The following CEP162 variants were observed in gnomAD, a reference collection of about 807,000 sequenced individuals.
CEP162 encodes centrosomal protein of 162 kDa.
In CEP162, 141 loss-of-function variants were observed where a neutral mutation model predicts 169.2. The observed-to-expected ratio is 0.83, with a 90% CI of 0.73 to 0.96. CEP162 has a LOEUF of 0.96. CEP162 is among the 40% of genes least tolerant of loss of function. CEP162 has a pLI of 0.00. For missense variants in CEP162, 1,600 were observed against 1,587.2 expected, an observed-to-expected ratio of 1.01 and a Z score of -0.14; for synonymous variants, 540 against 526.4, an observed-to-expected ratio of 1.03 and a Z score of -0.35.
chr6:84,128,827 T>C (rs2099510007), intron 25 of CEP162, among the ~76,000 whole-genome samples: 1 of 152,124 alleles, frequency 6.6e-6, no homozygotes, highest in Non-Finnish European at 1.5e-5. Context: ...TTTCTCCTAA[T>C]GCTATCCCTC....
intron 21 of CEP162, among the ~76,000 whole-genome samples, chr6:84,159,708 G>A (rs1330930711): frequency 6.7e-6 from 1 of 150,288 alleles, no homozygotes; most frequent in African/African-American, 2.5e-5. Context: ...AGGATTACAG[G>A]TGTGCACCAC....
intron 25 of CEP162, among the ~76,000 whole-genome samples, chr6:84,142,239 A>G (rs1179850961): frequency 6.6e-6 from 1 of 152,216 alleles, no homozygotes; most frequent in Non-Finnish European, 1.5e-5. Flanking sequence ...TTGGCCAGCT[A>G]AACAGGTAAC....
chr6:84,216,248 T>A (rs943559433), intron 3 of CEP162, among the ~76,000 whole-genome samples: 1 of 152,194 alleles, frequency 6.6e-6, no homozygotes, highest in East Asian at 1.9e-4. Flanking sequence ...TTCCCTCTGT[T>A]CTTTACATTT....
rs1267863026 is a variant in CEP162 at position 84,215,927 on chromosome 6, G to C, written c.173-5C>G. On this transcript the variant is annotated splice_region_variant and splice_polypyrimidine_tract_variant and intron_variant, in intron 3 of 26. Coordinates refer to ENST00000403245, the MANE Select transcript of CEP162 (RefSeq NM_014895.4). The stretch of plus-strand genomic sequence containing the variant: ...TCACATTTGTTCCAAGAAGTCCTAG[G>C]TACACAATTTAATACAGATGAAGAT... 2.6e-6 allele frequency: 4 copies of C among 1,551,020 alleles called. No individual in the cohort carries two copies. Among genetic ancestry groups the C allele is most frequent in the Middle Eastern group, 1.7e-4 (1 of 5,904 alleles).
At chr6:84,213,602 T>C (rs1202180357) in intron 5 of CEP162, among the ~76,000 whole-genome samples, 1 of 152,198 alleles carries the variant, frequency 6.6e-6, no homozygotes. Context: ...CTATCAACCC[T>C]ATTTAGTGAG....
At chr6:84,197,228 C>G (rs2099542523) in intron 9 of CEP162, among the ~76,000 whole-genome samples, 1 of 150,324 alleles carries the variant, frequency 6.7e-6, no homozygotes, top group African/African-American at 2.4e-5. Context: ...AACAAATGAC[C>G]TAAAAGTTAG....
chr6:84,221,109 C>T lies in CEP162; in HGVS notation c.120G>A (p.Lys40=). The T allele has an allele frequency of 6.2e-7, 1 of 1,604,160 alleles. No individual in the cohort carries two copies. The highest frequency in any genetic ancestry group is 1.7e-4 in the Middle Eastern group (1 of 6,046). Residue 40 remains lysine, a synonymous_variant, in exon 3 of 27, where the codon AAG becomes AAA. Transcript: ENST00000403245. ...KTARQSKKEM[K]KKDTVPWWIT... is the part of the protein sequence containing the mutation. Reference sequence around the variant, plus strand: ...TCCACCAAGGCACTGTATCTTTCTTCTTCATCTCTTTTTTAGATTGTCTAG... The same window carrying T: ...TCCACCAAGGCACTGTATCTTTCTTTTTCATCTCTTTTTTAGATTGTCTAG...
rs1242773835 is a variant in CEP162 at position 84,185,207 on chromosome 6, G to A, written c.1643C>T (p.Ser548Phe). The A allele has an allele frequency of 6.2e-7, 1 of 1,611,608 alleles. No individual in the cohort carries two copies. Among genetic ancestry groups the A allele is most frequent in the Non-Finnish European group, 8.5e-7 (1 of 1,178,074 alleles). The change falls in exon 13 of 27, where the codon TCC becomes TTC. Residue 548 changes from serine to phenylalanine, a missense_variant. Transcript: ENST00000403245. ...KSKNLRSIST[S>F]NQPRKKEILS... ...ATTACCTTTTTTCCTAGGTTGATTG[G>A]AGGTAGAAATCGATCTCAAGTTTTT...
In CEP162 at chr6:84,180,819, C is replaced by T. The variant is rs1303129972; in HGVS notation, c.1663+4368G>A. Among the ~76,000 whole-genome samples the T allele has an allele frequency of 5.9e-5, 9 of 152,246 alleles. No individual in the cohort carries two copies. The East Asian group carries it at 1.7e-3, about 29-fold the overall frequency. ...TGAAGGACCTCTTCAAGGAGAACTACAAAACACTGCTCAACGAAATAAAAG... is the reference window on the plus strand; with the variant it reads ...TGAAGGACCTCTTCAAGGAGAACTATAAAACACTGCTCAACGAAATAAAAG... On this transcript the variant is annotated intron_variant, in intron 13 of 26. Coordinates refer to ENST00000403245, the MANE Select transcript of CEP162 (RefSeq NM_014895.4).
intron 13 of CEP162, 24 bp downstream of exon 13, chr6:84,185,163 A>G (rs1161375146): frequency 7.0e-6 from 11 of 1,560,986 alleles, no homozygotes; most frequent in Non-Finnish European, 8.8e-6. Context: ...AAAACAATAT[A>G]CTAAATAAAG....
intron 21 of CEP162, among the ~76,000 whole-genome samples, chr6:84,158,631 A>G (rs896286071): frequency 6.6e-6 from 1 of 152,182 alleles, no homozygotes; most frequent in African/African-American, 2.4e-5. Context: ...CACCCGAAAA[A>G]TTCAAAGCTT....
At chr6:84,131,595 A>G (rs906781459) in intron 25 of CEP162, among the ~76,000 whole-genome samples, 2 of 151,608 alleles carry the variant, frequency 1.3e-5, no homozygotes, top group Non-Finnish European at 2.9e-5. Context: ...CTTTACCATT[A>G]TGGCCTTGTC....
rs762251210 is a variant in CEP162, at chr6:84,186,608, G to A, written c.1125C>T (p.Ala375=). 1.7e-5 allele frequency: 27 copies of A among 1,602,126 alleles called. No individual in the cohort carries two copies. In the African/African-American group the frequency reaches 1.7e-4, roughly 10 times the overall value. Residue 375 remains alanine (A), a synonymous_variant, in exon 12 of 27, where the codon GCC becomes GCT. Coordinates refer to ENST00000403245, the MANE Select transcript of CEP162 (RefSeq NM_014895.4). The part of the protein sequence containing the change: ...DLQPVSSEKV[A]ERKETEFFSS... ...TAAAAAATTCAGTTTCTTTTCTTTC[G>A]GCCACTTTCTCAGAGCTATAAAACA...
chr6:84,215,880 G>A lies in CEP162; in HGVS notation c.215C>T (p.Thr72Ile), dbSNP rs751365987. ...TNVSYLKTKK[T>I]SQPVMEIEEE... ...TTCTATTTCCATAACAGGCTGAGAAGTCTTCTTTGTTTTCAAATAGCTCAC... is the reference window on the plus strand; with the variant it reads ...TTCTATTTCCATAACAGGCTGAGAAATCTTCTTTGTTTTCAAATAGCTCAC... Residue 72 changes from threonine to isoleucine, a missense_variant, in exon 4 of 27, where the codon ACT (threonine) becomes ATT (isoleucine). Physicochemically the swap from Thr to Ile is moderately conservative, Grantham distance 89 (BLOSUM62 -1). Coordinates refer to ENST00000403245, the MANE Select transcript of CEP162 (RefSeq NM_014895.4). The A allele has an allele frequency of 1.6e-5, 25 of 1,577,776 alleles. 1 individual carries two copies. In the South Asian group the frequency reaches 2.8e-4, roughly 18 times the overall value.
At chr6:84,184,211 TTC>T (rs1365479615) in intron 13 of CEP162, among the ~76,000 whole-genome samples, 3 of 152,146 alleles carry the variant, frequency 2.0e-5, no homozygotes, top group African/African-American at 7.2e-5. Flanking sequence ...TCAATTATTT[TTC>T]TTTCTATCAA....
intron 25 of CEP162, among the ~76,000 whole-genome samples, chr6:84,143,865 G>A (rs557190799): frequency 6.6e-6 from 1 of 152,056 alleles, no homozygotes; most frequent in African/African-American, 2.4e-5. Context: ...AGAAAGCAAA[G>A]ATTTTGTGTT....
chr6:84,167,722 C>T lies in CEP162; in HGVS notation c.2385+1606G>A, dbSNP rs117004041. ...AGGTAGTGTCAATTCAAATACTAAA[C>T]ACAAATGAGGCAGAAGAGGTACCAT... On this transcript the variant is annotated intron_variant, in intron 18 of 26. Coordinates refer to ENST00000403245, the MANE Select transcript of CEP162 (RefSeq NM_014895.4). Among the ~76,000 whole-genome samples the T allele has an allele frequency of 6.5e-3, 986 of 152,258 alleles. 9 individuals carry two copies. The highest frequency in any genetic ancestry group is 9.3e-3 in the Non-Finnish European group (630 of 68,008).
At chr6:84,137,543 AT>A (rs1453015244) in intron 25 of CEP162, among the ~76,000 whole-genome samples, 2 of 152,156 alleles carry the variant, frequency 1.3e-5, no homozygotes, top group African/African-American at 2.4e-5. Flanking sequence ...ATTAAAAAAA[AT>A]AAAACCCCAC....
At position 84,224,589 on chromosome 6, in the gene CEP162, A is replaced by T. The variant is rs80095663; in HGVS notation, c.57+1748T>A. The stretch of plus-strand genomic sequence containing the variant: ...AGCTGGTTACCACTACTGTCCTAAA[A>T]AATAAAGATATATAAACTATGTCTT... On this transcript the variant is annotated intron_variant, in intron 2 of 26. Transcript: ENST00000403245. Among the ~76,000 whole-genome samples the T allele has an allele frequency of 4.1e-3, 618 of 152,374 alleles. 4 individuals carry two copies. Among genetic ancestry groups the T allele is most frequent in the African/African-American group, 0.014 (599 of 41,596 alleles).
Sources: allele counts gnomAD v4.1 joint callset (sites outside exome capture counted in the v4.1 genomes callset), GRCh38; gene constraint gnomAD v4.1.1; transcripts MANE v1.5; gene names NCBI Gene and HGNC (gene_info 2026-07-23, HGNC 2026-07-21).